SIK3: variants seen among roughly 807,000 people sequenced by gnomAD.
SIK3 encodes the protein SIK family kinase 3.
SIK3 carries 28 observed loss-of-function variants against 144.2 expected under a neutral mutation model. The observed-to-expected ratio is 0.19, with a 90% CI of 0.14 to 0.27. The LOEUF (loss-of-function observed/expected upper bound fraction) is 0.27, where lower values mean the gene tolerates loss of function less well. Among genes scored for constraint, SIK3 ranks in the 10% least tolerant of loss-of-function variants. The pLI is 1.00. For missense variants in SIK3, 1,319 were observed against 1,776.0 expected (o/e 0.74, Z 4.62); for synonymous variants, 686 against 676.3 (o/e 1.01, Z -0.22).
At chr11:117,002,044 G>C (rs1042383031) in intron 1 of SIK3, among the ~76,000 whole-genome samples, 2 of 152,142 alleles carry the variant, frequency 1.3e-5, no homozygotes, top group African/African-American at 4.8e-5. Flanking sequence ...CACTGACATT[G>C]CGCTTTGGTC....
At chr11:116,932,000 T>C (rs1305908478) in intron 3 of SIK3, among the ~76,000 whole-genome samples, 1 of 152,222 alleles carries the variant, frequency 6.6e-6, no homozygotes, top group Non-Finnish European at 1.5e-5. Flanking sequence ...ACTATCTCTT[T>C]TCTTTGCTCC....
intron 21 of SIK3, among the ~76,000 whole-genome samples, chr11:116,850,634 G>C (rs1047806058): frequency 6.6e-6 from 1 of 152,092 alleles, no homozygotes; most frequent in African/African-American, 2.4e-5. Flanking sequence ...TTCTTTGCAG[G>C]CAAGAACTAT....
intron 1 of SIK3, among the ~76,000 whole-genome samples, chr11:117,040,232 GA>G (rs1313464028): frequency 6.6e-6 from 1 of 152,146 alleles, no homozygotes; most frequent in Non-Finnish European, 1.5e-5. Flanking sequence ...AAGAGCAGAA[GA>G]ATGCTTAGGT....
At position 116,867,966 on chromosome 11, in the gene SIK3, G is replaced by C; in HGVS notation, c.1932C>G (p.His644Gln). 6.5e-7 allele frequency: 1 copy of C among 1,548,214 alleles called. No homozygotes were observed. The highest frequency in any genetic ancestry group is 8.7e-7 in the Non-Finnish European group (1 of 1,145,564). ...QPFRSRVWPP[H>Q]LVPDQHRSTY... ...CTCACCGATGCTGATCAGGTACCAG[G>C]TGAGGAGGCCAGACCCGGGAACGGA... The change falls in exon 15 of 25, where the codon CAC (histidine) becomes CAG (glutamine). Residue 644 changes from histidine to glutamine, a missense_variant. Physicochemically the swap from His to Gln is conservative, Grantham distance 24. Around this residue, in one of 8 missense-constraint regions of SIK3, gnomAD observed 47 missense variants for 40.2 expected, o/e 1.17. Transcript: ENST00000445177. This position sits in a 1 kb window ranked among gnomAD's most constrained non-coding sequence, Gnocchi z 4.1.
chr11:116,879,198 T>G (rs1288835701), intron 6 of SIK3, among the ~76,000 whole-genome samples: 2 of 152,306 alleles, frequency 1.3e-5, no homozygotes, highest in South Asian at 4.1e-4. Flanking sequence ...AAAATAAAAT[T>G]TTCTATAGGT....
chr11:116,938,539 AG>A, intron 3 of SIK3, among the ~76,000 whole-genome samples: 13 of 676 alleles, frequency 0.019, no homozygotes, highest in Non-Finnish European at 0.066. Context: ...ACGGGACGGA[AG>A]GGGAGGGGAG....
At chr11:116,985,144 G>A (rs894470202) in intron 1 of SIK3, among the ~76,000 whole-genome samples, 2 of 152,226 alleles carry the variant, frequency 1.3e-5, no homozygotes, top group African/African-American at 4.8e-5. Flanking sequence ...CAAAGTGTTA[G>A]GCAACATAGC....
At chr11:116,891,700 G>C (rs1945123693) in intron 6 of SIK3, among the ~76,000 whole-genome samples, 2 of 152,170 alleles carry the variant, frequency 1.3e-5, no homozygotes, top group Non-Finnish European at 2.9e-5. Flanking sequence ...ACGTGTATGT[G>C]TGTGTGTGGT....
chr11:117,078,812 A>G (rs957879318), intron 1 of SIK3, among the ~76,000 whole-genome samples: 2 of 152,162 alleles, frequency 1.3e-5, no homozygotes, highest in East Asian at 1.9e-4. Context: ...ATCTGCTTCG[A>G]CATCAGTGGG....
intron 2 of SIK3, among the ~76,000 whole-genome samples, chr11:116,956,590 C>CAAT (rs1267250410): frequency 6.6e-6 from 1 of 152,186 alleles, no homozygotes; most frequent in Non-Finnish European, 1.5e-5. Flanking sequence ...TTTCACCTCT[C>CAAT]TAAATTCTCT....
At chr11:116,863,849 T>C (rs1591406285) in intron 15 of SIK3, 31 bp from the exon 16 acceptor site, 1 of 1,559,592 alleles carries the variant, frequency 6.4e-7, no homozygotes, top group East Asian at 2.3e-5. Flanking sequence ...GGTTAGAGGC[T>C]AGGACTCAGG....
intron 4 of SIK3, among the ~76,000 whole-genome samples, chr11:116,915,169 T>TGTGTGTG (rs1555093415): frequency 6.6e-6 from 1 of 151,190 alleles, no homozygotes. Context: ...TGTATGTGTA[T>TGTGTGTG]TTTTTCTTTT....
intron 1 of SIK3, among the ~76,000 whole-genome samples, chr11:116,964,133 T>A (rs749385987): frequency 3.3e-5 from 5 of 152,150 alleles, no homozygotes; most frequent in Non-Finnish European, 7.4e-5. Flanking sequence ...CTCAGCCTTC[T>A]GAGTAGCTGG....
At chr11:116,886,795 T>G (rs561018814) in intron 6 of SIK3, among the ~76,000 whole-genome samples, 1 of 152,310 alleles carries the variant, frequency 6.6e-6, no homozygotes, top group African/African-American at 2.4e-5. Flanking sequence ...AAAATTTAAG[T>G]TATTTGCATC....
intron 1 of SIK3, among the ~76,000 whole-genome samples, chr11:116,986,753 T>TA (rs905631326): frequency 1.6e-4 from 25 of 152,330 alleles, no homozygotes; most frequent in African/African-American, 4.3e-4. Context: ...GACTGACTGA[T>TA]ACTCTAATTT....
At chr11:116,870,488 TTC>T (rs1377814403) in intron 13 of SIK3, 87 bp from the exon 14 acceptor site, 3 of 1,564,314 alleles carry the variant, frequency 1.9e-6, no homozygotes, top group African/African-American at 1.4e-5. Context: ...GGGCAGGACT[TTC>T]TGTTAACTTT....
At chr11:117,063,590 T>G (rs1367823753) in intron 1 of SIK3, among the ~76,000 whole-genome samples, 1 of 151,148 alleles carries the variant, frequency 6.6e-6, no homozygotes, top group Non-Finnish European at 1.5e-5. Flanking sequence ...AAGTTTCTTT[T>G]TTTTTTTTTT....
At chr11:116,862,422 G>T in intron 16 of SIK3, 95 bp from the exon 17 acceptor site, 1 of 1,523,810 alleles carries the variant, frequency 6.6e-7, no homozygotes, top group Non-Finnish European at 9.0e-7. Context: ...GCTCTCATGG[G>T]CAGAAAGAGC....
chr11:117,076,655 A>G (rs1954553462), intron 1 of SIK3, among the ~76,000 whole-genome samples: 1 of 151,990 alleles, frequency 6.6e-6, no homozygotes, highest in Non-Finnish European at 1.5e-5. Context: ...ACTCCCAAGT[A>G]GCTGGGATTA....
Sources: allele counts gnomAD v4.1 joint callset (sites outside exome capture counted in the v4.1 genomes callset), GRCh38; gene constraint gnomAD v4.1.1; regional missense constraint gnomAD v4.1.1; non-coding constraint Gnocchi (gnomAD v3.1); transcripts MANE v1.5; gene names NCBI Gene and HGNC (gene_info 2026-07-23, HGNC 2026-07-21).